The following FKBP5 variants were observed in gnomAD, a reference collection of about 807,000 sequenced individuals.
The protein encoded by FKBP5 is peptidyl-prolyl cis-trans isomerase FKBP5.
A neutral mutation model predicts 50.5 loss-of-function variants in FKBP5; 23 were observed. The ratio of observed to expected loss-of-function variants is 0.46; its 90% CI spans 0.33 to 0.65. The LOEUF is 0.65. FKBP5 is among the 30% of genes least tolerant of loss of function. The probability of loss-of-function intolerance (pLI) is 0.02; values close to 1 mark genes in which losing one functional copy is unlikely to be tolerated. For missense variants in FKBP5, 411 were observed against 553.1 expected (o/e 0.74, Z 2.58); for synonymous variants, 176 against 190.6 (o/e 0.92, Z 0.63).
In FKBP5 at chr6:35,619,125, G is replaced by C; in HGVS notation, c.479C>G (p.Ser160Ter). ...RRTKRKGEGYSNPNEGATVEI... is the reference protein window; with the variant it reads ...RRTKRKGEGY ...TACTGTTGCTCCTTCGTTTGGATTT[G>C]AATATCCCTCTCCTTTCCGTTTGGT... Residue 160 changes from serine (S) to a stop codon, truncating the protein, a stop_gained, in exon 5 of 11, where the codon TCA (serine) becomes TGA (stop). Coordinates refer to ENST00000357266, the MANE Select transcript of FKBP5 (RefSeq NM_004117.4). LOFTEE classifies it high-confidence loss of function. The C allele has an allele frequency of 6.2e-7, 1 of 1,613,158 alleles. No homozygotes were observed. Among genetic ancestry groups the C allele is most frequent in the South Asian group, 1.1e-5 (1 of 91,062 alleles).
intron 7 of FKBP5, among the ~76,000 whole-genome samples, chr6:35,588,686 G>A (rs1048868365): frequency 1.1e-4 from 16 of 150,562 alleles, no homozygotes; most frequent in East Asian, 6.0e-4. Flanking sequence ...CTGTAGCCTC[G>A]ATTTCCCAGG....
chr6:35,625,336 C>T (rs558951774), intron 3 of FKBP5, among the ~76,000 whole-genome samples: 84 of 152,210 alleles, frequency 5.5e-4, no homozygotes, highest in Non-Finnish European at 1.1e-3. Context: ...CTGCCCACCT[C>T]GGCCTCCCGA....
intron 1 of FKBP5, among the ~76,000 whole-genome samples, chr6:35,656,895 C>CAA (rs35579361): frequency 0.032 from 3,590 of 110,806 alleles, 187 homozygotes; most frequent in African/African-American, 0.1. Flanking sequence ...GACTCCGTCT[C>CAA]AAAAAAAAAA....
chr6:35,658,586 G>C (rs1042412004), intron 1 of FKBP5, among the ~76,000 whole-genome samples: 1 of 152,082 alleles, frequency 6.6e-6, no homozygotes, highest in Non-Finnish European at 1.5e-5. Flanking sequence ...CATCAGCAAG[G>C]CATGTTAAAC....
At chr6:35,692,996 T>G (rs541286927), upstream of FKBP5, among the ~76,000 whole-genome samples, 1 of 150,726 alleles carries the variant, frequency 6.6e-6, no homozygotes, top group South Asian at 2.1e-4. Context: ...CCCTTTATTC[T>G]GTATTTTCTG....
intron 7 of FKBP5, among the ~76,000 whole-genome samples, chr6:35,589,128 AT>A (rs58812576): frequency 0.011 from 1,315 of 121,518 alleles, 31 homozygotes; most frequent in East Asian, 0.059. Flanking sequence ...ATATATATAT[AT>A]TTTTTTTTTT....
chr6:35,577,576 A>G (rs1402643919), intron 9 of FKBP5, among the ~76,000 whole-genome samples: 1 of 152,240 alleles, frequency 6.6e-6, no homozygotes, highest in Non-Finnish European at 1.5e-5. Flanking sequence ...CTTTAAAACT[A>G]CTGAAATTAA....
At chr6:35,717,519 G>A (rs949513608) in intron 2 of FKBP5, among the ~76,000 whole-genome samples, 2 of 152,254 alleles carry the variant, frequency 1.3e-5, no homozygotes, top group East Asian at 1.9e-4. Context: ...GTGCATGTCT[G>A]TGTGCACCCT....
chr6:35,702,203 T>G (rs536041257), intron 2 of FKBP5, among the ~76,000 whole-genome samples: 2 of 152,178 alleles, frequency 1.3e-5, no homozygotes, highest in African/African-American at 4.8e-5. Context: ...TACATTTTCC[T>G]CTATCTTGGT....
At chr6:35,587,817 C>T in intron 7 of FKBP5, among the ~76,000 whole-genome samples, 1 of 152,148 alleles carries the variant, frequency 6.6e-6, no homozygotes, top group East Asian at 1.9e-4. Context: ...CTGCACTTGC[C>T]ATTTACAAGC....
At chr6:35,610,901 C>T (rs1026074570) in intron 5 of FKBP5, among the ~76,000 whole-genome samples, 1 of 152,070 alleles carries the variant, frequency 6.6e-6, no homozygotes. Flanking sequence ...TTTAAAAGCT[C>T]CCTAGGTAAT....
intron 1 of FKBP5, among the ~76,000 whole-genome samples, chr6:35,686,434 C>T (rs1446407600): frequency 2.0e-5 from 3 of 152,038 alleles, no homozygotes; most frequent in Admixed American, 6.6e-5. Flanking sequence ...TATATACATA[C>T]ATCATCACAG....
Position 35,719,278 on chromosome 6 carries a change from G to A in FKBP5, c.-20+1050C>T, listed in dbSNP as rs964737853. Among the ~76,000 whole-genome samples, 6 of 152,144 alleles carry A rather than the reference G, an allele frequency of 3.9e-5. 1 individual carries two copies. Among genetic ancestry groups the A allele is most frequent in the African/African-American group, 1.2e-4 (5 of 41,422 alleles). ...TTTTAACTTTGTAAAACACACACAT[G>A]ATCTATGGTGATAGAAATCAGAATC... On this transcript the variant is annotated intron_variant, in intron 2 of 11. Coordinates refer to the FKBP5 transcript ENST00000536438.
Position 35,577,252 on chromosome 6 carries a change from T to C in FKBP5, c.1027-19A>G, listed in dbSNP as rs769677713. ...CAAGGGCCTAGGAATAGATGGTCTA[T>C]ATTTTAGAAAGGACGAATTTTAATA... On this transcript the variant is annotated intron_variant, in intron 9 of 10. Coordinates refer to ENST00000357266, the MANE Select transcript of FKBP5 (RefSeq NM_004117.4). 3.9e-6 allele frequency: 6 copies of C among 1,532,850 alleles called. No individual in the cohort carries two copies. Among genetic ancestry groups the C allele is most frequent in the East Asian group, 2.3e-5 (1 of 43,872 alleles). The allele number at this position is 1,532,850 out of a possible 1,614,324, so 95.0% of individuals were successfully genotyped here. A position where few individuals can be genotyped will look rare whatever the true frequency, so the allele number is the denominator to read the frequency against.
At chr6:35,580,868 G>A in intron 8 of FKBP5, 3 of 985,246 alleles carry the variant, frequency 3.0e-6, no homozygotes, top group Non-Finnish European at 3.6e-6. Context: ...AAAGGATTGT[G>A]AGCAGTTTTA....
At chr6:35,698,927 A>G (rs548371757) in intron 2 of FKBP5, among the ~76,000 whole-genome samples, 2 of 152,184 alleles carry the variant, frequency 1.3e-5, no homozygotes, top group African/African-American at 4.8e-5. Flanking sequence ...CTATGATCCA[A>G]TCACCTCCCA....
At chr6:35,663,663 A>G (rs990172640) in intron 1 of FKBP5, among the ~76,000 whole-genome samples, 4 of 152,034 alleles carry the variant, frequency 2.6e-5, no homozygotes, top group African/African-American at 9.7e-5. Context: ...TGCACTTGCT[A>G]TCCCCACTAC....
At chr6:35,662,276 CT>C (rs35904480) in intron 1 of FKBP5, among the ~76,000 whole-genome samples, 6,488 of 138,760 alleles carry the variant, frequency 0.047, 180 homozygotes, top group African/African-American at 0.089. Flanking sequence ...ATTTACGTGT[CT>C]TTTTTTTTTT....
At position 35,576,995 on chromosome 6, in the gene FKBP5, T is replaced by C; in HGVS notation, c.1265A>G (p.Lys422Arg). ...GCAGTCATCAGGCTCTGCACACACC[T>C]TGGCATCCTGCTCTGCAAACTTCTT... ...MFKKFAEQDA[K>R]EEANKAMGKK... The change falls in exon 10 of 11, where the codon AAG becomes AGG. Residue 422 changes from lysine (K) to arginine (R), a missense_variant and splice_region_variant. Coordinates refer to ENST00000357266, the MANE Select transcript of FKBP5 (RefSeq NM_004117.4). The C allele has an allele frequency of 6.2e-7, 1 of 1,613,790 alleles. No individual in the cohort carries two copies. The highest frequency in any genetic ancestry group is 8.5e-7 in the Non-Finnish European group (1 of 1,179,992).
Sources: gnomAD v4.1 joint callset for allele counts (sites outside exome capture counted in the v4.1 genomes callset) on GRCh38, gnomAD v4.1.1 for gene constraint, MANE v1.5 for transcripts, NCBI Gene and HGNC (gene_info 2026-07-23, HGNC 2026-07-21) for gene names.